SLC14A2: variants seen among roughly 807,000 people sequenced by gnomAD.
SLC14A2 encodes urea transporter 2.
SLC14A2 carries 91 observed loss-of-function variants against 104.6 expected under a neutral mutation model. That is an observed-to-expected ratio of 0.87 (90% CI 0.73 to 1.04). SLC14A2 has a LOEUF of 1.04. SLC14A2 is among the 50% of genes least tolerant of loss of function. The pLI is 0.00. For missense variants in SLC14A2, 1,189 were observed against 1,156.0 expected (o/e 1.03, Z -0.41); for synonymous variants, 476 against 466.4 (o/e 1.02, Z -0.27).
At chr18:45,355,505 G>A (rs560471689) in intron 1 of SLC14A2, among the ~76,000 whole-genome samples, 1 of 140,590 alleles carries the variant, frequency 7.1e-6, no homozygotes, top group Non-Finnish European at 1.5e-5. Context: ...TTGAACCGAG[G>A]AAGCAGAGGT....
intron 1 of SLC14A2, among the ~76,000 whole-genome samples, chr18:45,416,878 A>G (rs2144507822): frequency 6.6e-6 from 1 of 152,348 alleles, no homozygotes; most frequent in Admixed American, 6.5e-5. Flanking sequence ...ATACACACCC[A>G]GAAATCACAA....
intron 11 of SLC14A2, among the ~76,000 whole-genome samples, chr18:45,665,290 GA>G (rs2045998973): frequency 6.6e-6 from 1 of 152,132 alleles, no homozygotes; most frequent in Non-Finnish European, 1.5e-5. Context: ...TCTCACACTT[GA>G]CCACAGGAGG....
At chr18:45,626,603 C>T (rs182978529) in intron 3 of SLC14A2, among the ~76,000 whole-genome samples, 132 of 152,194 alleles carry the variant, frequency 8.7e-4, no homozygotes, top group African/African-American at 3.0e-3. Context: ...CCCCCACCCC[C>T]CCACCTTCCC....
At chr18:45,331,413 C>G (rs750878207) in intron 1 of SLC14A2, among the ~76,000 whole-genome samples, 1 of 152,220 alleles carries the variant, frequency 6.6e-6, no homozygotes, top group South Asian at 2.1e-4. Context: ...TAATCCTGGC[C>G]GGGTGTGGTG....
chr18:45,532,211 A>T (rs1238779203), intron 2 of SLC14A2, among the ~76,000 whole-genome samples: 3 of 152,136 alleles, frequency 2.0e-5, no homozygotes, highest in Admixed American at 1.3e-4. Context: ...TACGAACTTT[A>T]AAGTAGTTTT....
intron 1 of SLC14A2, among the ~76,000 whole-genome samples, chr18:45,307,638 C>T (rs910611482): frequency 6.6e-6 from 1 of 152,054 alleles, no homozygotes; most frequent in African/African-American, 2.4e-5. Context: ...CCTTCCACAG[C>T]CAGGCCTCTC....
intron 1 of SLC14A2, among the ~76,000 whole-genome samples, chr18:45,292,169 A>G (rs1313787979): frequency 6.6e-6 from 1 of 152,220 alleles, no homozygotes; most frequent in Admixed American, 6.5e-5. Flanking sequence ...ATTGACATGA[A>G]GTGCCTGCAA....
intron 2 of SLC14A2, among the ~76,000 whole-genome samples, chr18:45,510,330 T>A (rs1358864302): frequency 6.6e-6 from 1 of 152,122 alleles, no homozygotes; most frequent in African/African-American, 2.4e-5. Context: ...ATCATGCAAC[T>A]TATAGTGATT....
At chr18:45,551,554 A>G (rs1307181933) in intron 2 of SLC14A2, among the ~76,000 whole-genome samples, 1 of 152,148 alleles carries the variant, frequency 6.6e-6, no homozygotes, top group Non-Finnish European at 1.5e-5. Context: ...GCTCTCTGGC[A>G]TGTCTTCCTC....
At chr18:45,650,400 G>A (rs757650734) in intron 10 of SLC14A2, among the ~76,000 whole-genome samples, 2 of 151,924 alleles carry the variant, frequency 1.3e-5, no homozygotes, top group Non-Finnish European at 2.9e-5. Context: ...CCAAGCTTCT[G>A]CCCATTCCCC....
intron 1 of SLC14A2, among the ~76,000 whole-genome samples, chr18:45,294,708 CAGAA>C: frequency 6.6e-6 from 1 of 152,304 alleles, no homozygotes; most frequent in East Asian, 1.9e-4. Context: ...ACAACCTCTT[CAGAA>C]AGAAACACAC....
the SLC14A2 span, among the ~76,000 whole-genome samples, chr18:45,174,438 C>T: frequency 6.6e-6 from 1 of 152,100 alleles, no homozygotes; most frequent in African/African-American, 2.4e-5. Context: ...GGGGACCACT[C>T]TAGCAAGGTT....
At chr18:45,516,557 C>T (rs1471206767) in intron 2 of SLC14A2, among the ~76,000 whole-genome samples, 1 of 152,202 alleles carries the variant, frequency 6.6e-6, no homozygotes, top group Non-Finnish European at 1.5e-5. Flanking sequence ...AAGAAGCAAA[C>T]TTCTTACCTT....
At chr18:45,214,576 G>T (rs1198544705) in intron 1 of SLC14A2, among the ~76,000 whole-genome samples, 1 of 152,034 alleles carries the variant, frequency 6.6e-6, no homozygotes, top group Non-Finnish European at 1.5e-5. Flanking sequence ...GACTACATTG[G>T]TCTTTATCGA....
chr18:45,403,713 C>G (rs949978587), intron 1 of SLC14A2, among the ~76,000 whole-genome samples: 4 of 152,076 alleles, frequency 2.6e-5, no homozygotes, highest in African/African-American at 7.2e-5. Flanking sequence ...CTTTCTATCC[C>G]CAGTATCAGA....
chr18:45,197,340 C>T, the SLC14A2 span, among the ~76,000 whole-genome samples: 2 of 152,152 alleles, frequency 1.3e-5, no homozygotes, highest in Non-Finnish European at 2.9e-5. Flanking sequence ...CATAAAAGAC[C>T]TTCTATGTTC....
intron 1 of SLC14A2, among the ~76,000 whole-genome samples, chr18:45,316,330 G>A (rs528329725): frequency 3.9e-5 from 6 of 152,310 alleles, no homozygotes; most frequent in Middle Eastern, 3.4e-3. Context: ...CCACCAGGAG[G>A]CTGCCTGCAC....
At chr18:45,364,888 T>C (rs2085651024) in intron 1 of SLC14A2, among the ~76,000 whole-genome samples, 1 of 152,206 alleles carries the variant, frequency 6.6e-6, no homozygotes, top group South Asian at 2.1e-4. Context: ...TCAAGCACCA[T>C]TCTCTGGTCA....
At chr18:45,345,055 A>T (rs2085434043) in intron 1 of SLC14A2, among the ~76,000 whole-genome samples, 1 of 152,162 alleles carries the variant, frequency 6.6e-6, no homozygotes, top group Admixed American at 6.5e-5. Context: ...AGCCTGAGAC[A>T]GTGTGTAATG....
Sources: allele counts gnomAD v4.1 joint callset (sites outside exome capture counted in the v4.1 genomes callset), GRCh38; gene constraint gnomAD v4.1.1; transcripts MANE v1.5; gene names NCBI Gene and HGNC (gene_info 2026-07-23, HGNC 2026-07-21).